Variants in HTR1E observed in about 807,000 individuals in gnomAD.
HTR1E encodes 5-HT-1E.
HTR1E carries 3 observed loss-of-function variants against 3.4 expected under a neutral mutation model. The ratio of observed to expected loss-of-function variants is 0.89; its 90% CI spans 0.41 to 2.31. The LOEUF (loss-of-function observed/expected upper bound fraction) is 2.31. Among genes scored for constraint, HTR1E ranks in the 30% most tolerant of loss-of-function variants. HTR1E has a pLI of 0.05. For synonymous variants in HTR1E, 170 were observed against 182.8 expected (o/e 0.93, Z 0.56); for missense variants, 392 against 467.0 (o/e 0.84, Z 1.48).
At chr6:86,992,683 G>C (rs1008444346) in intron 1 of HTR1E, among the ~76,000 whole-genome samples, 41 of 152,092 alleles carry the variant, frequency 2.7e-4, no homozygotes, top group Non-Finnish European at 4.7e-4. Context: ...GTATCTCTTA[G>C]GTGTCAGGAA....
intron 1 of HTR1E, among the ~76,000 whole-genome samples, chr6:86,981,676 T>C (rs1376819795): frequency 1.3e-5 from 2 of 152,232 alleles, no homozygotes; most frequent in African/African-American, 4.8e-5. Context: ...TACAAATAAA[T>C]AATTAGCTAC....
At chr6:86,942,096 G>T (rs920433341) in intron 1 of HTR1E, among the ~76,000 whole-genome samples, 1 of 152,154 alleles carries the variant, frequency 6.6e-6, no homozygotes, top group Non-Finnish European at 1.5e-5. Context: ...TATTACGCTT[G>T]TACACTGTTG....
chr6:86,989,935 G>C (rs1767849729), intron 1 of HTR1E, among the ~76,000 whole-genome samples: 1 of 151,938 alleles, frequency 6.6e-6, no homozygotes, highest in Admixed American at 6.6e-5. Context: ...TCTCCTTCTT[G>C]AACATGCCCT....
Position 86,971,383 on chromosome 6 carries a change from A to G in HTR1E, c.-186+33560A>G, listed in dbSNP as rs532522127. ...AGAAACTTTATGGATTATAAAAACC[A>G]TGAACTCTCTAAACTCTAAAAGAAA... is the stretch of plus-strand genomic sequence containing the variant. On this transcript the variant is annotated intron_variant, in intron 1 of 1. Transcript: ENST00000305344. Among the ~76,000 whole-genome samples, 4 of 152,312 alleles carry G rather than the reference A, an allele frequency of 2.6e-5. No homozygotes were observed. In the South Asian group the frequency reaches 8.3e-4, roughly 32 times the overall value.
chr6:86,972,210 A>G (rs559547323), intron 1 of HTR1E, among the ~76,000 whole-genome samples: 1 of 152,318 alleles, frequency 6.6e-6, no homozygotes, highest in African/African-American at 2.4e-5. Flanking sequence ...TGGCTGAAAC[A>G]TTATTCATTC....
chr6:86,939,933 TTTC>T (rs770082975), intron 1 of HTR1E, among the ~76,000 whole-genome samples: 1 of 152,224 alleles, frequency 6.6e-6, no homozygotes. Context: ...TTGCTCCCCA[TTTC>T]TTCTTATCGA....
At chr6:87,013,320 T>C (rs781253363) in intron 1 of HTR1E, among the ~76,000 whole-genome samples, 9 of 152,188 alleles carry the variant, frequency 5.9e-5, no homozygotes, top group Non-Finnish European at 1.3e-4. Context: ...ACTAACCAGT[T>C]TGGTTTAGAG....
intron 1 of HTR1E, among the ~76,000 whole-genome samples, chr6:86,972,899 C>T (rs1252089561): frequency 6.6e-6 from 1 of 152,118 alleles, no homozygotes; most frequent in Non-Finnish European, 1.5e-5. Context: ...AGAACAAATT[C>T]TGTTTTCATA....
chr6:86,975,895 T>C (rs955561127), intron 1 of HTR1E, among the ~76,000 whole-genome samples: 3 of 149,286 alleles, frequency 2.0e-5, no homozygotes, highest in Non-Finnish European at 3.0e-5. Context: ...ACCTTCTCTC[T>C]TTCTCTCTCT....
At chr6:86,949,722 CATTT>C (rs554217414) in intron 1 of HTR1E, among the ~76,000 whole-genome samples, 209 of 152,000 alleles carry the variant, frequency 1.4e-3, no homozygotes, top group African/African-American at 4.6e-3. Flanking sequence ...AGTTTAATTA[CATTT>C]ATTTAATTTT....
At chr6:87,010,295 C>T (rs1159720214) in intron 1 of HTR1E, among the ~76,000 whole-genome samples, 6 of 97,808 alleles carry the variant, frequency 6.1e-5, no homozygotes, top group East Asian at 4.7e-4. Context: ...CCGGACGGGG[C>T]GGCTGGCCGG....
intron 1 of HTR1E, among the ~76,000 whole-genome samples, chr6:87,009,972 C>T (rs1582284861): frequency 4.9e-5 from 6 of 121,480 alleles, no homozygotes; most frequent in Non-Finnish European, 8.6e-5. Flanking sequence ...GCAGAGGCGC[C>T]CCTCACCTCC....
At chr6:86,970,983 T>C in intron 1 of HTR1E, 1 of 416,418 alleles carries the variant, frequency 2.4e-6, no homozygotes. Flanking sequence ...CTCAATCTCT[T>C]GGCAAATATG....
intron 1 of HTR1E, among the ~76,000 whole-genome samples, chr6:87,014,446 C>T (rs28814907): frequency 1.6e-3 from 239 of 152,134 alleles, no homozygotes; most frequent in African/African-American, 5.3e-3. Context: ...CTCAGCAATC[C>T]TATTACTGGG....
In HTR1E at chr6:87,016,439, A is replaced by G. The variant is rs1205635111; in HGVS notation, c.*7A>G. 6.4e-7 allele frequency: 1 copy of G among 1,571,618 alleles called. No individual in the cohort carries two copies. Among genetic ancestry groups the G allele is most frequent in the Non-Finnish European group, 8.6e-7 (1 of 1,156,614 alleles). ...ATGCCGAGAGCATACTTAGACTGTA[A>G]AAAGCTAAAAGGCACGACTTTTTCC... On this transcript the variant is annotated 3_prime_UTR_variant, in exon 2 of 2. Coordinates refer to ENST00000305344, the MANE Select transcript of HTR1E (RefSeq NM_000865.3).
At chr6:86,968,667 G>T (rs1281967947) in intron 1 of HTR1E, among the ~76,000 whole-genome samples, 1 of 151,978 alleles carries the variant, frequency 6.6e-6, no homozygotes, top group Non-Finnish European at 1.5e-5. Flanking sequence ...GTTCTTTTTT[G>T]AATTGGTTTT....
intron 1 of HTR1E, among the ~76,000 whole-genome samples, chr6:86,943,856 T>A (rs1768579902): frequency 6.6e-6 from 1 of 152,220 alleles, no homozygotes; most frequent in African/African-American, 2.4e-5. Flanking sequence ...CAGATTTTTA[T>A]TATCTCTATG....
intron 1 of HTR1E, among the ~76,000 whole-genome samples, chr6:86,960,672 G>A (rs888287101): frequency 1.4e-4 from 22 of 152,262 alleles, no homozygotes; most frequent in South Asian, 1.0e-3. Flanking sequence ...AGCTAGGCAC[G>A]GAGAACCTGA....
intron 1 of HTR1E, among the ~76,000 whole-genome samples, chr6:86,980,685 T>C (rs1281636310): frequency 2.0e-5 from 3 of 152,242 alleles, no homozygotes; most frequent in African/African-American, 7.2e-5. Context: ...AAGTTTCTGA[T>C]AGTAAAGCTA....
Sources: allele counts gnomAD v4.1 joint callset (sites outside exome capture counted in the v4.1 genomes callset), GRCh38; gene constraint gnomAD v4.1.1; transcripts MANE v1.5; gene names NCBI Gene and HGNC (gene_info 2026-07-23, HGNC 2026-07-21).